KIF12: variants seen among roughly 807,000 people sequenced by gnomAD.
The protein encoded by KIF12 is kinesin-like protein KIF12.
In KIF12, 80 loss-of-function variants were observed where a neutral mutation model predicts 87.9. The observed-to-expected ratio is 0.91, with a 90% CI of 0.76 to 1.10. The LOEUF is 1.10. KIF12 is among the 50% of genes least tolerant of loss of function. The pLI is 0.00. For missense variants in KIF12, 819 were observed against 865.3 expected, an observed-to-expected ratio of 0.95 and a Z score of 0.67; for synonymous variants, 353 against 348.5, an observed-to-expected ratio of 1.01 and a Z score of -0.14.
rs1168468923 is a variant in KIF12, at chr9:114,098,459, A to G, written c.172-30T>C. On this transcript the variant is annotated intron_variant, in intron 3 of 18. Coordinates refer to ENST00000640217, the MANE Select transcript of KIF12 (RefSeq NM_001388308.1). ...CGCGGGTGGGGCGGAGGAGCGGGGCACTCTGGAGGAGGGCGGGGCACCCTG... is the reference window on the plus strand; with the variant it reads ...CGCGGGTGGGGCGGAGGAGCGGGGCGCTCTGGAGGAGGGCGGGGCACCCTG... 2.1e-6 allele frequency: 3 copies of G among 1,460,442 alleles called. No individual in the cohort carries two copies. The East Asian group carries it at 8.1e-5, about 40-fold the overall frequency. 90.5% of individuals were successfully genotyped at this position (1,460,442 alleles called of 1,614,324 possible).
In KIF12 at chr9:114,093,920, G is replaced by T; in HGVS notation, c.1366C>A (p.Arg456Ser). ...GCATGGACCTGCTGGGCCAGGATGC[G>T]CTGCTCATTCTGGGCCAGGTCTCGG... is the stretch of plus-strand genomic sequence containing the variant. ...NSRDLAQNEQ[R>S]ILAQQVHALE... Residue 456 changes from arginine (R) to serine (S), a missense_variant, in exon 14 of 19, where the codon CGC becomes AGC. Arg to Ser is a moderately radical substitution (Grantham distance 110). Coordinates refer to ENST00000640217, the MANE Select transcript of KIF12 (RefSeq NM_001388308.1). 1 of 1,614,088 alleles carries T rather than the reference G, an allele frequency of 6.2e-7. No homozygotes were observed. The highest frequency in any genetic ancestry group is 8.5e-7 in the Non-Finnish European group (1 of 1,180,016).
rs1373890136 is a variant in KIF12, at chr9:114,097,289, G to C, written c.646+12C>G. The C allele has an allele frequency of 8.7e-6, 14 of 1,606,690 alleles. No individual in the cohort carries two copies. The East Asian group carries it at 3.1e-4, about 36-fold the overall frequency. On this transcript the variant is annotated intron_variant, in intron 7 of 18. Transcript: ENST00000640217. Reference sequence around the variant, plus strand: ...ACCCCTACCCGCAAAACTCCCCGCTGTCAGCACACACCCGTTTGCAAAAGT... The same window carrying C: ...ACCCCTACCCGCAAAACTCCCCGCTCTCAGCACACACCCGTTTGCAAAAGT...
rs1301692528 is a variant in KIF12, at chr9:114,095,291, T to C, written c.937A>G (p.Ser313Gly). The change falls in exon 10 of 19, where the codon AGC becomes GGC. Residue 313 changes from serine (S) to glycine (G), a missense_variant. Coordinates refer to ENST00000640217, the MANE Select transcript of KIF12 (RefSeq NM_001388308.1). ...TTGCTGTCCCGGAAAGGGATGTGGCTCTGCTTCCGCTGTGGGTCCAGCAGC... is the reference window on the plus strand; with the variant it reads ...TTGCTGTCCCGGAAAGGGATGTGGCCCTGCTTCCGCTGTGGGTCCAGCAGC... ...SLLLDPQRKQSHIPFRDSKLT... is the reference protein window; with the variant it reads ...SLLLDPQRKQGHIPFRDSKLT... The C allele has an allele frequency of 6.2e-7, 1 of 1,613,638 alleles. No individual in the cohort carries two copies. Among genetic ancestry groups the C allele is most frequent in the Non-Finnish European group, 8.5e-7 (1 of 1,180,020 alleles).
In KIF12 at chr9:114,091,711, C is replaced by G; in HGVS notation, c.*150G>C. 1 of 737,380 alleles carries G rather than the reference C, an allele frequency of 1.4e-6. No homozygotes were observed. Among genetic ancestry groups the G allele is most frequent in the Non-Finnish European group, 2.1e-6 (1 of 473,008 alleles). 45.7% of individuals were successfully genotyped at this position (737,380 alleles called of 1,614,324 possible). The stretch of plus-strand genomic sequence containing the variant: ...GGTTTCTCCTGAATCCCCTTGTTCC[C>G]CTAAATAGCACCCCCAGTCCCCGCC... On this transcript the variant is annotated 3_prime_UTR_variant, in exon 19 of 19. Coordinates refer to ENST00000640217, the MANE Select transcript of KIF12 (RefSeq NM_001388308.1).
Position 114,092,262 on chromosome 9 carries a change from C to T in KIF12, c.1816+71G>A, listed in dbSNP as rs114068001. ...CCCCATTTCAGAGATAAGACTGAGG[C>T]CTGGAGAGGGTGGGTTCTACCCCAA... On this transcript the variant is annotated intron_variant, in intron 18 of 18. Transcript: ENST00000640217. 1.6e-3 allele frequency: 2,331 copies of T among 1,489,880 alleles called. 38 individuals are homozygous for T. In the African/African-American group the frequency reaches 0.03, roughly 19 times the overall value. 92.3% of individuals were successfully genotyped at this position (1,489,880 alleles called of 1,614,324 possible).
rs772563682 is a variant in KIF12 at position 114,094,258 on chromosome 9, A to C, written c.1236T>G (p.Ser412Arg). 1 of 1,613,846 alleles carries C rather than the reference A, an allele frequency of 6.2e-7. No individual in the cohort carries two copies. The highest frequency in any genetic ancestry group is 8.5e-7 in the Non-Finnish European group (1 of 1,179,802). The change falls in exon 13 of 19, where the codon AGT becomes AGG. Residue 412 changes from serine to arginine, a missense_variant. Ser to Arg is a moderately radical substitution (Grantham distance 110). Transcript: ENST00000640217. ...DQMDCKASGL[S>R]GARVAWAQRN... ...GCTGGGCCCAGGCCACCCGGGCTCC[A>C]CTGAGCCCTGAGGCTGCAGGGAAGC...
chr9:114,098,318 C>A lies in KIF12; in HGVS notation c.283G>T (p.Glu95Ter). 2.7e-6 allele frequency: 4 copies of A among 1,468,788 alleles called. No individual in the cohort carries two copies. The highest frequency in any genetic ancestry group is 2.4e-4 in the Middle Eastern group (1 of 4,210). 91.0% of individuals were successfully genotyped at this position (1,468,788 alleles called of 1,614,324 possible). Residue 95 changes from glutamate (E) to a stop codon, truncating the protein, a stop_gained, in exon 4 of 19, where the codon GAG (glutamate) becomes TAG (stop). Coordinates refer to ENST00000640217, the MANE Select transcript of KIF12 (RefSeq NM_001388308.1). LOFTEE classifies it high-confidence loss of function. ...TTCACTCACCCGCGCAGCGCCAGCT[C>A]CCCCAGGCGCCGCACGCCGCACGCC... Reference protein sequence around the residue: ...FRACGVRRLGELALRGFSCTV... With the variant: ...FRACGVRRLG
At position 114,098,967 on chromosome 9, in the gene KIF12, C is replaced by T. The variant is rs947759393; in HGVS notation, c.139G>A (p.Val47Met). 6.5e-7 allele frequency: 1 copy of T among 1,550,126 alleles called. No homozygotes were observed. Among genetic ancestry groups the T allele is most frequent in the South Asian group, 1.2e-5 (1 of 84,050 alleles). The change falls in exon 3 of 19, where the codon GTG becomes ATG. Residue 47 changes from valine (V) to methionine (M), a missense_variant. Physicochemically the swap from Val to Met is conservative, Grantham distance 21 (BLOSUM62 1). Transcript: ENST00000640217. ...AAELRRGQQS[V>M]LHCSGTRTLQ... is the part of the protein sequence containing the mutation. The stretch of plus-strand genomic sequence containing the variant: ...GTCCGGGTCCCTGAGCAGTGCAGCA[C>T]GCTCTGCTGCCCTCGACGCAGCTCG...
In KIF12 at chr9:114,093,482, G is replaced by C; in HGVS notation, c.1416C>G (p.Ala472=). ...CAGGACCCTGCTGGTGATGGTAGCA[G>C]GCAGAGAGGAGACGCCTAGAAAGAA... ...VHALERRLLS[A]CYHHQQGPGL... The change falls in exon 15 of 19, where the codon GCC becomes GCG. Residue 472 remains alanine, a synonymous_variant. Transcript: ENST00000640217. The C allele has an allele frequency of 6.4e-7, 1 of 1,560,548 alleles. No individual in the cohort carries two copies. Among genetic ancestry groups the C allele is most frequent in the South Asian group, 1.2e-5 (1 of 84,508 alleles).
At chr9:114,095,979 C>T in intron 9 of KIF12, 72 bp downstream of exon 9, 1 of 1,475,056 alleles carries the variant, frequency 6.8e-7, no homozygotes, top group Non-Finnish European at 9.2e-7. Flanking sequence ...TCTGGTATCC[C>T]CCACTGTGGA....
At chr9:114,094,738 A>G (rs1847140603) in intron 11 of KIF12, among the ~76,000 whole-genome samples, 2 of 152,098 alleles carry the variant, frequency 1.3e-5, no homozygotes, top group Admixed American at 1.3e-4. Flanking sequence ...GAGACCCCAC[A>G]TTAGGCCCCA....
chr9:114,091,747 C>T lies in KIF12; in HGVS notation c.*114G>A. On this transcript the variant is annotated 3_prime_UTR_variant, in exon 19 of 19. Transcript: ENST00000640217. ...CCCCCAGTCCCCGCCCCTAGCCCAG[C>T]TGCAGGTGGAGTAGCAGCTGCTGTC... 1 of 1,170,346 alleles carries T rather than the reference C, an allele frequency of 8.5e-7. No homozygotes were observed. Among genetic ancestry groups the T allele is most frequent in the South Asian group, 1.8e-5 (1 of 55,660 alleles). 72.5% of individuals were successfully genotyped at this position (1,170,346 alleles called of 1,614,324 possible). A position where few individuals can be genotyped will look rare whatever the true frequency, so the allele number is the denominator to read the frequency against.
At chr9:114,092,051 CCAGGTCCATCTGGGTCCCAACA>C (rs759436099) in intron 18 of KIF12, 51 bp from the exon 19 acceptor site, 1 of 1,565,860 alleles carries the variant, frequency 6.4e-7, no homozygotes, top group Non-Finnish European at 8.7e-7. Context: ...CCTTCCTCAC[CCAGGTCCATCTGGGTCCCAACA>C]CCCTCTGGAG....
Position 114,097,365 on chromosome 9 carries a change from A to C in KIF12, c.582T>G (p.Tyr194Ter). 1 of 1,610,008 alleles carries C rather than the reference A, an allele frequency of 6.2e-7. No homozygotes were observed. Among genetic ancestry groups the C allele is most frequent in the East Asian group, 2.2e-5 (1 of 44,832 alleles). ...ATTCCACCACCCGCAGCTGCTCCAC[A>C]TAGAAGCCCCGAGTCTTGTTCCAGC... is the stretch of plus-strand genomic sequence containing the variant. ...PVRWNKTRGFYVEQLRVVEFG... is the reference protein window; with the variant it reads ...PVRWNKTRGF Residue 194 changes from tyrosine (Y) to a stop codon, truncating the protein, a stop_gained, in exon 7 of 19, where the codon TAT (tyrosine) becomes TAG (stop). Coordinates refer to ENST00000640217, the MANE Select transcript of KIF12 (RefSeq NM_001388308.1). LOFTEE classifies it high-confidence loss of function.
Position 114,099,275 on chromosome 9 carries a change from ATGTCC to A in KIF12, c.-4_1del. 6.4e-7 allele frequency: 1 copy of A among 1,550,990 alleles called. No individual in the cohort carries two copies. ...CCCGTCGGGTGACCCGCGTTCTTCC[ATGTCC>A]TGCTCTGCACACGGAGTTAGCTCCG... is the stretch of plus-strand genomic sequence containing the variant. On this transcript the variant is annotated start_lost and start_retained_variant and 5_prime_UTR_variant, in exon 1 of 19. Coordinates refer to ENST00000640217, the MANE Select transcript of KIF12 (RefSeq NM_001388308.1).
At position 114,098,169 on chromosome 9, in the gene KIF12, G is replaced by C; in HGVS notation, c.321C>G (p.Thr107=). 1 of 1,548,480 alleles carries C rather than the reference G, an allele frequency of 6.5e-7. No homozygotes were observed. The highest frequency in any genetic ancestry group is 8.7e-7 in the Non-Finnish European group (1 of 1,146,364). The change falls in exon 5 of 19, where the codon ACC becomes ACG. Residue 107 remains threonine (T), a synonymous_variant. Transcript: ENST00000640217. The stretch of plus-strand genomic sequence containing the variant: ...TCTTCCCAGAGCCCGTCTGGCCAAA[G>C]GTGAAAACAGTGCAGGAGAAACTGC... ...ALRGFSCTVF[T]FGQTGSGKTY...
At chr9:114,095,179 G>A (rs1847169897) in intron 10 of KIF12, 35 bp downstream of exon 10, 5 of 1,611,624 alleles carry the variant, frequency 3.1e-6, no homozygotes, top group Non-Finnish European at 4.2e-6. Flanking sequence ...CCTTCCTCAA[G>A]ACCCAACCTT....
At chr9:114,098,511 C>T (rs1847339710) in intron 3 of KIF12, 82 bp from the exon 4 acceptor site, 2 of 492,008 alleles carry the variant, frequency 4.1e-6, no homozygotes, top group Non-Finnish European at 5.3e-6. Flanking sequence ...TGGAGGAGGG[C>T]GGGGCACGCG....
In KIF12 at chr9:114,097,430, C is replaced by A; in HGVS notation, c.517G>T (p.Asp173Tyr). 6.3e-7 allele frequency: 1 copy of A among 1,590,874 alleles called. No homozygotes were observed. The highest frequency in any genetic ancestry group is 8.5e-7 in the Non-Finnish European group (1 of 1,170,450). Residue 173 changes from aspartate to tyrosine, a missense_variant, in exon 7 of 19, where the codon GAC becomes TAC. Asp to Tyr is a radical substitution (Grantham distance 160, BLOSUM62 -3). Transcript: ENST00000640217. ...YLEIYNEQVR[D>Y]LLSLGSPRPL... Reference sequence around the variant, plus strand: ...CGGGGAGACCCCAGGCTCAGCAAGTCCCGAACCTGGGAGGGGAGGGAGGAG... The same window carrying A: ...CGGGGAGACCCCAGGCTCAGCAAGTACCGAACCTGGGAGGGGAGGGAGGAG...
Sources: gnomAD v4.1 joint callset for allele counts (sites outside exome capture counted in the v4.1 genomes callset) on GRCh38, gnomAD v4.1.1 for gene constraint, MANE v1.5 for transcripts, NCBI Gene and HGNC (gene_info 2026-07-23, HGNC 2026-07-21) for gene names.